The following AUTS2 variants were observed in gnomAD, a reference collection of about 807,000 sequenced individuals.
AUTS2 encodes activator of transcription and developmental regulator AUTS2.
AUTS2 carries 17 observed loss-of-function variants against 112.4 expected under a neutral mutation model. The ratio of observed to expected loss-of-function variants is 0.15; its 90% CI spans 0.10 to 0.23. AUTS2 has a LOEUF of 0.23. Ranked by LOEUF, AUTS2 falls within the 10% of genes least tolerant of loss-of-function variation. The pLI is 1.00. For synonymous variants in AUTS2, 751 were observed against 702.7 expected, an observed-to-expected ratio of 1.07 and a Z score of -1.09; for missense variants, 1,510 against 1,701.6, an observed-to-expected ratio of 0.89 and a Z score of 1.98.
rs566957062 is a variant in AUTS2 at position 70,764,610 on chromosome 7, C to T, written c.1215-142C>T. The T allele has an allele frequency of 2.4e-4, 152 of 621,752 alleles. No homozygotes were observed. In the African/African-American group the frequency reaches 2.5e-3, roughly 10 times the overall value. 38.5% of individuals were successfully genotyped at this position (621,752 alleles called of 1,614,324 possible). On this transcript the variant is annotated intron_variant, in intron 7 of 18. Transcript: ENST00000342771. ...GAGTTGTGATTTCAGAAAGTGTGCT[C>T]GTACAGGGAGGATCTGTAAAGAGGA...
chr7:70,744,956 C>T (rs1356811540), intron 6 of AUTS2, among the ~76,000 whole-genome samples: 1 of 152,124 alleles, frequency 6.6e-6, no homozygotes, highest in Non-Finnish European at 1.5e-5. Flanking sequence ...TCATCATCGC[C>T]CCTCCAGTTC....
At chr7:70,238,809 C>T (rs965921436) in intron 4 of AUTS2, among the ~76,000 whole-genome samples, 10 of 152,038 alleles carry the variant, frequency 6.6e-5, no homozygotes. Flanking sequence ...ACAAGATATG[C>T]GTGCACTCAT....
intron 2 of AUTS2, among the ~76,000 whole-genome samples, chr7:69,996,754 C>T (rs1382864604): frequency 6.6e-6 from 1 of 151,108 alleles, no homozygotes; most frequent in Middle Eastern, 3.4e-3. Flanking sequence ...TAAATACTCC[C>T]CTGCTATATT....
intron 4 of AUTS2, among the ~76,000 whole-genome samples, chr7:70,156,431 GGACTGTA>G (rs1394501008): frequency 1.3e-5 from 2 of 152,082 alleles, no homozygotes; most frequent in African/African-American, 4.8e-5. Context: ...TTGTGAAGTA[GGACTGTA>G]GATAATCCCA....
intron 1 of AUTS2, among the ~76,000 whole-genome samples, chr7:69,885,560 AGAC>A (rs1371274485): frequency 6.6e-6 from 1 of 152,216 alleles, no homozygotes; most frequent in East Asian, 1.9e-4. Context: ...TTCCAACAAA[AGAC>A]CCTAATCTTG....
intron 1 of AUTS2, among the ~76,000 whole-genome samples, chr7:69,762,293 CTTTTTTTTTTTTTTTTTTTTT>C (rs534032498): frequency 1.8e-4 from 11 of 61,598 alleles, no homozygotes; most frequent in African/African-American, 5.8e-4. Context: ...GCCAAGTTGT[CTTTTTTTTTTTTTTTTTTTTT>C]TTTTTTTTTT....
Position 70,790,499 on chromosome 7 carries a change from C to T in AUTS2, c.3283C>T (p.Leu1095=). The part of the protein sequence containing the change: ...HRRDPLGRDF[L]LRNDPLHRLS... ...GAGAGACCCGCTGGGCAGGGACTTC[C>T]TGCTAAGGAACGACCCGCTCCACCG... is the stretch of plus-strand genomic sequence containing the variant. The change falls in exon 19 of 19, where the codon CTG becomes TTG. Residue 1095 remains leucine, a synonymous_variant. Coordinates refer to ENST00000342771, the MANE Select transcript of AUTS2 (RefSeq NM_015570.4). The surrounding 1 kb of genome is among the most constrained non-coding windows in gnomAD (Gnocchi z 7.6). 1 of 1,612,646 alleles carries T rather than the reference C, an allele frequency of 6.2e-7. No individual in the cohort carries two copies. Among genetic ancestry groups the T allele is most frequent in the Non-Finnish European group, 8.5e-7 (1 of 1,179,588 alleles).
chr7:69,795,430 A>G (rs1309228859), intron 1 of AUTS2, among the ~76,000 whole-genome samples: 1 of 152,134 alleles, frequency 6.6e-6, no homozygotes, highest in Non-Finnish European at 1.5e-5. Flanking sequence ...CTATAATCCA[A>G]ACACTTTGGG....
chr7:70,779,954 G>C (rs1247889850), intron 14 of AUTS2, among the ~76,000 whole-genome samples: 1 of 151,884 alleles, frequency 6.6e-6, no homozygotes, highest in African/African-American at 2.4e-5. Context: ...GCAAGAGGAT[G>C]CAGTGAACTA....
chr7:70,725,399 G>A lies in AUTS2; in HGVS notation c.742+26779G>A, dbSNP rs778932642. ...AGAATGGAAATTACAGTGGCCAGCC[G>A]TTAATCCTTTTTAATAAGGGCAACT... On this transcript the variant is annotated intron_variant, in intron 6 of 18. Transcript: ENST00000342771. Among the ~76,000 whole-genome samples the A allele has an allele frequency of 2.6e-5, 4 of 152,140 alleles. No homozygotes were observed. In the East Asian group the frequency reaches 5.8e-4, roughly 22 times the overall value.
chr7:70,617,776 T>A (rs1165810935), intron 5 of AUTS2, among the ~76,000 whole-genome samples: 1 of 152,196 alleles, frequency 6.6e-6, no homozygotes, highest in Non-Finnish European at 1.5e-5. Context: ...AGAACTTTGT[T>A]AAGTTTGGGG....
intron 2 of AUTS2, among the ~76,000 whole-genome samples, chr7:70,104,832 TTCTC>T (rs1235595119): frequency 6.6e-6 from 1 of 152,204 alleles, no homozygotes; most frequent in Non-Finnish European, 1.5e-5. Context: ...TTTGTGTTCT[TTCTC>T]TCTTTTTTCT....
At chr7:70,581,592 C>G (rs558878350) in intron 5 of AUTS2, among the ~76,000 whole-genome samples, 1 of 152,114 alleles carries the variant, frequency 6.6e-6, no homozygotes, top group Non-Finnish European at 1.5e-5. Context: ...CAGAGACTAA[C>G]TATGCACACG....
At chr7:69,677,871 G>A (rs996503121) in intron 1 of AUTS2, among the ~76,000 whole-genome samples, 1 of 152,128 alleles carries the variant, frequency 6.6e-6, no homozygotes, top group African/African-American at 2.4e-5. Context: ...GAGCCTAAAT[G>A]GTGGTTTTTA....
chr7:70,780,735 A>G (rs564842959), intron 14 of AUTS2, among the ~76,000 whole-genome samples: 1 of 152,344 alleles, frequency 6.6e-6, no homozygotes, highest in East Asian at 1.9e-4. Context: ...GGCCTCTGTT[A>G]GTTAAATTAA....
chr7:69,865,133 A>G (rs1411617245), intron 1 of AUTS2, among the ~76,000 whole-genome samples: 2 of 147,766 alleles, frequency 1.4e-5, no homozygotes, highest in Admixed American at 6.8e-5. Flanking sequence ...GGCGTTGTGT[A>G]TTTAGACTGT....
chr7:70,583,601 C>G (rs1417326212), intron 5 of AUTS2, among the ~76,000 whole-genome samples: 1 of 152,168 alleles, frequency 6.6e-6, no homozygotes, highest in Non-Finnish European at 1.5e-5. Context: ...GCTTAGAGTC[C>G]CCAGCTCTGG....
intron 1 of AUTS2, among the ~76,000 whole-genome samples, chr7:69,779,745 C>A (rs181035247): frequency 3.1e-3 from 368 of 117,938 alleles, no homozygotes; most frequent in Middle Eastern, 7.8e-3. Flanking sequence ...GCCTGGGTGA[C>A]AGAACGAGAC....
chr7:70,482,476 A>T (rs1306161885), intron 5 of AUTS2, among the ~76,000 whole-genome samples: 1 of 152,182 alleles, frequency 6.6e-6, no homozygotes, highest in Non-Finnish European at 1.5e-5. Flanking sequence ...CCCCCAGAGG[A>T]GTCACTGGAC....
Sources: gnomAD v4.1 joint callset for allele counts (sites outside exome capture counted in the v4.1 genomes callset) on GRCh38, gnomAD v4.1.1 for gene constraint, Gnocchi (gnomAD v3.1) non-coding constraint, MANE v1.5 for transcripts, NCBI Gene and HGNC (gene_info 2026-07-23, HGNC 2026-07-21) for gene names.